Variants in SUGCT observed in about 807,000 individuals in gnomAD.
SUGCT encodes the protein succinyl-CoA:glutarate CoA-transferase.
Under a neutral mutation model 55.0 loss-of-function variants are expected in SUGCT, and 41 were observed. The observed-to-expected ratio is 0.74, with a 90% CI of 0.58 to 0.97. The LOEUF (loss-of-function observed/expected upper bound fraction) is 0.97, where lower values mean the gene tolerates loss of function less well. Ranked by LOEUF, SUGCT falls within the 50% of genes least tolerant of loss-of-function variation. SUGCT has a pLI of 0.00. For synonymous variants in SUGCT, 187 were observed against 200.4 expected (o/e 0.93, Z 0.56); for missense variants, 568 against 547.8 (o/e 1.04, Z -0.37).
At chr7:40,590,215 C>A (rs1022945713) in intron 12 of SUGCT, among the ~76,000 whole-genome samples, 5 of 152,060 alleles carry the variant, frequency 3.3e-5, no homozygotes, top group African/African-American at 1.2e-4. Flanking sequence ...CAGCTGTTCC[C>A]CATCTCTCTC....
chr7:40,780,845 T>G (rs914391938), intron 13 of SUGCT, among the ~76,000 whole-genome samples: 7 of 151,808 alleles, frequency 4.6e-5, no homozygotes, highest in Admixed American at 2.6e-4. Context: ...CTTTTAAATA[T>G]TTTGAGGAAA....
chr7:40,957,447 C>CTTTTTTTT, the SUGCT span, among the ~76,000 whole-genome samples: 2 of 76,106 alleles, frequency 2.6e-5, no homozygotes, highest in Non-Finnish European at 2.5e-5. Context: ...GCAACCCCTG[C>CTTTTTTTT]TTTTTTTTTT....
intron 12 of SUGCT, among the ~76,000 whole-genome samples, chr7:40,630,280 A>T (rs757763653): frequency 1.3e-5 from 2 of 152,222 alleles, no homozygotes; most frequent in Admixed American, 1.3e-4. Flanking sequence ...GTCACAACAC[A>T]GAGGGAAGCC....
chr7:40,909,864 C>G, the SUGCT span, among the ~76,000 whole-genome samples: 1 of 152,100 alleles, frequency 6.6e-6, no homozygotes, highest in Non-Finnish European at 1.5e-5. Context: ...TTAGAGCCAA[C>G]ATGTCTGAGT....
rs193119211 is a variant in SUGCT, at chr7:40,749,585, A to G, written c.1153+88A>G. On this transcript the variant is annotated intron_variant, in intron 13 of 13. Transcript: ENST00000335693. ...ACTACAGGTAGCTTATGAGCTCCCA[A>G]ACAACTTTCCAAGACATTATCCAAA... is the stretch of plus-strand genomic sequence containing the variant. 2.8e-6 allele frequency: 3 copies of G among 1,063,014 alleles called. No homozygotes were observed. The East Asian group carries it at 7.1e-5, about 25-fold the overall frequency. The allele number at this position is 1,063,014 out of a possible 1,614,324, so 65.8% of individuals were successfully genotyped here. A position where few individuals can be genotyped will look rare whatever the true frequency, so the allele number is the denominator to read the frequency against.
the SUGCT span, among the ~76,000 whole-genome samples, chr7:40,946,247 G>A: frequency 2.6e-5 from 4 of 152,046 alleles, no homozygotes; most frequent in Non-Finnish European, 5.9e-5. Flanking sequence ...TGGTGTCTCA[G>A]GCAATGGGCA....
At chr7:41,009,068 A>G in the SUGCT span, among the ~76,000 whole-genome samples, 2 of 152,138 alleles carry the variant, frequency 1.3e-5, no homozygotes, top group Non-Finnish European at 2.9e-5. Context: ...AATGCAATTT[A>G]GCCGGGTATG....
At chr7:40,163,522 T>G (rs1784278536) in intron 1 of SUGCT, among the ~76,000 whole-genome samples, 2 of 151,502 alleles carry the variant, frequency 1.3e-5, no homozygotes, top group Admixed American at 1.3e-4. Context: ...GGAGAAACAC[T>G]TGAACTGTGG....
At chr7:40,379,294 G>A (rs1393441) in intron 9 of SUGCT, among the ~76,000 whole-genome samples, 144,219 of 152,268 alleles carry the variant, frequency 0.95, 68,773 homozygotes, top group East Asian at 1. Flanking sequence ...GTCTGTGATA[G>A]TTTGTTATGG....
chr7:40,165,797 T>C (rs1050552633), intron 1 of SUGCT, among the ~76,000 whole-genome samples: 3 of 152,152 alleles, frequency 2.0e-5, no homozygotes, highest in African/African-American at 7.2e-5. Context: ...GACTGTATAA[T>C]ACATATATGA....
intron 7 of SUGCT, among the ~76,000 whole-genome samples, chr7:40,241,791 G>A (rs1789411057): frequency 2.6e-5 from 4 of 151,652 alleles, no homozygotes; most frequent in African/African-American, 7.3e-5. Flanking sequence ...GTGGTGGTGT[G>A]CATCTGTAGT....
chr7:40,347,322 A>G (rs1481993940), intron 9 of SUGCT, among the ~76,000 whole-genome samples: 1 of 152,198 alleles, frequency 6.6e-6, no homozygotes, highest in Non-Finnish European at 1.5e-5. Context: ...GGAACAGGTT[A>G]TTGGCAAGTG....
chr7:40,870,530 T>C, the SUGCT span, among the ~76,000 whole-genome samples: 10 of 152,206 alleles, frequency 6.6e-5, no homozygotes, highest in Non-Finnish European at 1.3e-4. Context: ...CCATAAAGTC[T>C]TTCCCATGTA....
the SUGCT span, among the ~76,000 whole-genome samples, chr7:41,018,527 T>C: frequency 6.6e-6 from 1 of 152,180 alleles, no homozygotes; most frequent in Admixed American, 6.5e-5. Flanking sequence ...TAAAACCAAG[T>C]CCTTTATTTT....
the SUGCT span, among the ~76,000 whole-genome samples, chr7:40,898,656 G>A: frequency 2.6e-5 from 4 of 151,904 alleles, no homozygotes; most frequent in Non-Finnish European, 4.4e-5. Flanking sequence ...CCGTGGAGGC[G>A]GACCTTGCAG....
At chr7:41,006,263 C>T in the SUGCT span, among the ~76,000 whole-genome samples, 2 of 152,160 alleles carry the variant, frequency 1.3e-5, no homozygotes, top group African/African-American at 4.8e-5. Context: ...ACTGACAAAA[C>T]TAATTAAAGA....
At chr7:40,333,444 C>A (rs1255099101) in intron 9 of SUGCT, among the ~76,000 whole-genome samples, 3 of 150,756 alleles carry the variant, frequency 2.0e-5, no homozygotes, top group African/African-American at 7.3e-5. Context: ...TGAGACCAGC[C>A]TGGCCAACAT....
chr7:40,291,803 T>C (rs994772815), intron 8 of SUGCT, among the ~76,000 whole-genome samples: 2 of 152,258 alleles, frequency 1.3e-5, no homozygotes, highest in Middle Eastern at 3.4e-3. Flanking sequence ...GAGGGGAGTC[T>C]TATAGTTTGC....
At chr7:40,934,715 G>A in the SUGCT span, among the ~76,000 whole-genome samples, 2 of 152,190 alleles carry the variant, frequency 1.3e-5, no homozygotes, top group Non-Finnish European at 2.9e-5. Context: ...CTAGCAGTGA[G>A]CAAGGCTCCA....
Sources: gnomAD v4.1 joint callset for allele counts (sites outside exome capture counted in the v4.1 genomes callset) on GRCh38, gnomAD v4.1.1 for gene constraint, MANE v1.5 for transcripts, NCBI Gene and HGNC (gene_info 2026-07-23, HGNC 2026-07-21) for gene names.